The following SNTG1 variants were observed in gnomAD, a reference collection of about 807,000 sequenced individuals.
SNTG1 encodes syntrophin gamma 1.
In SNTG1, 39 loss-of-function variants were observed where a neutral mutation model predicts 74.7. That is an observed-to-expected ratio of 0.52 (90% CI 0.40 to 0.68). The LOEUF (loss-of-function observed/expected upper bound fraction) is 0.68. Ranked by LOEUF, SNTG1 falls within the 30% of genes least tolerant of loss-of-function variation. The pLI, the probability that SNTG1 is intolerant of heterozygous loss-of-function variation, is 0.00. For synonymous variants in SNTG1, 254 were observed against 217.1 expected (o/e 1.17, Z -1.49); for missense variants, 685 against 609.5 (o/e 1.12, Z -1.30).
chr8:50,219,397 C>A (rs1214462503), intron 2 of SNTG1, among the ~76,000 whole-genome samples: 1 of 152,094 alleles, frequency 6.6e-6, no homozygotes, highest in African/African-American at 2.4e-5. Flanking sequence ...CCATTGTGAG[C>A]AAATTTTAGA....
chr8:50,781,622 G>A (rs1342770182), intron 18 of SNTG1, among the ~76,000 whole-genome samples: 2 of 152,142 alleles, frequency 1.3e-5, no homozygotes, highest in African/African-American at 4.8e-5. Flanking sequence ...TGGGTTTCCT[G>A]AATACAGCAC....
At chr8:50,422,246 A>G (rs2093098113) in intron 4 of SNTG1, among the ~76,000 whole-genome samples, 1 of 3,240 alleles carries the variant, frequency 3.1e-4, no homozygotes, top group Non-Finnish European at 0.017. Flanking sequence ...ACAGCGATCT[A>G]TCTATCTATC....
intron 1 of SNTG1, among the ~76,000 whole-genome samples, chr8:49,940,633 C>T (rs946803339): frequency 1.3e-5 from 2 of 152,090 alleles, no homozygotes; most frequent in African/African-American, 4.8e-5. Flanking sequence ...CACCAAATGA[C>T]GTTTTGTAAA....
intron 2 of SNTG1, among the ~76,000 whole-genome samples, chr8:50,287,607 T>G (rs1437245928): frequency 1.3e-5 from 2 of 152,158 alleles, no homozygotes; most frequent in Non-Finnish European, 2.9e-5. Context: ...GTTATCTCCT[T>G]TCTGCTTCAG....
At chr8:50,026,077 C>T (rs568794170) in intron 1 of SNTG1, among the ~76,000 whole-genome samples, 1 of 152,244 alleles carries the variant, frequency 6.6e-6, no homozygotes, top group East Asian at 1.9e-4. Flanking sequence ...TTCCATACTG[C>T]AAAACGTTCA....
rs1587042532 is a variant in SNTG1 at position 50,305,663 on chromosome 8, G to A, written c.-27-88549G>A. Among the ~76,000 whole-genome samples the A allele has an allele frequency of 2.0e-5, 3 of 151,212 alleles. No individual in the cohort carries two copies. The East Asian group carries it at 5.8e-4, about 29-fold the overall frequency. The stretch of plus-strand genomic sequence containing the variant: ...ATATATGTGTTAGATCACTTTGTCT[G>A]TTACTTTTTTTAATAATACCTTTTT... On this transcript the variant is annotated intron_variant, in intron 2 of 18. Coordinates refer to ENST00000642720, the MANE Select transcript of SNTG1 (RefSeq NM_018967.5).
chr8:50,587,519 T>C (rs941343349), intron 12 of SNTG1, among the ~76,000 whole-genome samples: 6 of 152,122 alleles, frequency 3.9e-5, no homozygotes, highest in Admixed American at 2.6e-4. Flanking sequence ...TTAAAAATGT[T>C]AGACTGTTAA....
chr8:50,092,929 T>G (rs145685883), intron 1 of SNTG1, among the ~76,000 whole-genome samples: 1 of 152,264 alleles, frequency 6.6e-6, no homozygotes, highest in African/African-American at 2.4e-5. Context: ...AGTATTATAA[T>G]TTACATTCTA....
At chr8:49,937,687 C>G (rs1808211233) in intron 1 of SNTG1, among the ~76,000 whole-genome samples, 1 of 152,096 alleles carries the variant, frequency 6.6e-6, no homozygotes, top group Non-Finnish European at 1.5e-5. Flanking sequence ...AATGATTAGG[C>G]TTTTTTCAAC....
intron 2 of SNTG1, among the ~76,000 whole-genome samples, chr8:50,228,901 T>C (rs2085475460): frequency 6.6e-6 from 1 of 151,772 alleles, no homozygotes; most frequent in Non-Finnish European, 1.5e-5. Flanking sequence ...AATTCTTGGC[T>C]GAAAATATAG....
intron 5 of SNTG1, among the ~76,000 whole-genome samples, chr8:50,439,716 C>CTTTTTTTTT (rs60899125): frequency 9.8e-6 from 1 of 102,100 alleles, no homozygotes; most frequent in African/African-American, 3.7e-5. Context: ...TTTTGTTTTG[C>CTTTTTTTTT]TTTTTTTTTT....
chr8:50,378,810 C>T (rs1039285981), intron 2 of SNTG1, among the ~76,000 whole-genome samples: 3 of 152,034 alleles, frequency 2.0e-5, no homozygotes, highest in African/African-American at 7.2e-5. Flanking sequence ...CTGGCACCTG[C>T]TCAGCTTTGG....
chr8:50,441,726 C>G (rs1315896295), intron 5 of SNTG1, among the ~76,000 whole-genome samples: 1 of 151,980 alleles, frequency 6.6e-6, no homozygotes, highest in Non-Finnish European at 1.5e-5. Flanking sequence ...CAAATCTGAG[C>G]CTGTCCTTGG....
intron 1 of SNTG1, among the ~76,000 whole-genome samples, chr8:50,057,955 A>T (rs1400573172): frequency 6.6e-6 from 1 of 152,120 alleles, no homozygotes; most frequent in Non-Finnish European, 1.5e-5. Context: ...ATTGAATATT[A>T]TTTGCATGTA....
intron 4 of SNTG1, among the ~76,000 whole-genome samples, chr8:50,433,157 T>C (rs1420417578): frequency 6.6e-6 from 1 of 152,202 alleles, no homozygotes; most frequent in Non-Finnish European, 1.5e-5. Context: ...CAATTCCAAT[T>C]TCTCATTGCT....
chr8:50,666,485 G>C (rs2095251407), intron 15 of SNTG1, among the ~76,000 whole-genome samples: 2 of 152,116 alleles, frequency 1.3e-5, no homozygotes, highest in Admixed American at 1.3e-4. Context: ...ATGAGGGTGG[G>C]AGGTAATGAA....
At chr8:50,504,659 G>A (rs2093991449) in intron 9 of SNTG1, among the ~76,000 whole-genome samples, 1 of 152,136 alleles carries the variant, frequency 6.6e-6, no homozygotes, top group Admixed American at 6.5e-5. Context: ...AAAATAGCCA[G>A]GCATGGTAGC....
At chr8:50,074,172 T>C (rs1253163266) in intron 1 of SNTG1, among the ~76,000 whole-genome samples, 1 of 152,168 alleles carries the variant, frequency 6.6e-6, no homozygotes, top group Non-Finnish European at 1.5e-5. Context: ...TTACCTTAGC[T>C]AGATCTTCTA....
At chr8:50,625,454 T>C (rs2094950339) in intron 13 of SNTG1, among the ~76,000 whole-genome samples, 1 of 152,186 alleles carries the variant, frequency 6.6e-6, no homozygotes, top group Non-Finnish European at 1.5e-5. Flanking sequence ...AACCATCCCA[T>C]AACACATGCA....
Sources: allele counts gnomAD v4.1 joint callset (sites outside exome capture counted in the v4.1 genomes callset), GRCh38; gene constraint gnomAD v4.1.1; transcripts MANE v1.5; gene names NCBI Gene and HGNC (gene_info 2026-07-23, HGNC 2026-07-21).